Variants in KCTD19 observed in about 807,000 individuals in gnomAD.
KCTD19 encodes BTB/POZ domain-containing protein KCTD19.
In KCTD19, 67 loss-of-function variants were observed where a neutral mutation model predicts 103.5. That is an observed-to-expected ratio of 0.65 (90% CI 0.53 to 0.79). The LOEUF is 0.79. Among genes scored for constraint, KCTD19 ranks in the 30% least tolerant of loss-of-function variants. KCTD19 has a pLI of 0.00. For synonymous variants in KCTD19, 439 were observed against 452.2 expected, an observed-to-expected ratio of 0.97 and a Z score of 0.37; for missense variants, 980 against 1,136.1, an observed-to-expected ratio of 0.86 and a Z score of 1.98.
At chr16:67,297,285 A>T (rs2036775408) in intron 7 of KCTD19, among the ~76,000 whole-genome samples, 1 of 152,178 alleles carries the variant, frequency 6.6e-6, no homozygotes. Context: ...CAGACTGGGT[A>T]ACAGCCCTGT....
intron 2 of KCTD19, among the ~76,000 whole-genome samples, chr16:67,316,555 A>T (rs1464668279): frequency 6.6e-6 from 1 of 152,222 alleles, no homozygotes; most frequent in African/African-American, 2.4e-5. Context: ...AGACTGATTG[A>T]ATAAACAAAA....
chr16:67,303,109 A>AGGGGGGGGGGGGGG lies in KCTD19; in HGVS notation c.643+36_643+37insCCCCCCCCCCCCCC. On this transcript the variant is annotated intron_variant, in intron 4 of 15. Coordinates refer to ENST00000304372, the MANE Select transcript of KCTD19 (RefSeq NM_001100915.3). The surrounding 1 kb of genome is among the most constrained non-coding windows in gnomAD (Gnocchi z 4.3). ...TGGGGAGGGGTGAATGGGCCCTATCAGCCCGCCCCCCACCCCACCCCGGAC... is the reference window on the plus strand; with the variant it reads ...TGGGGAGGGGTGAATGGGCCCTATCAGGGGGGGGGGGGGGGCCCGCCCCCCACCCCACCCCGGAC... The AGGGGGGGGGGGGGG allele has an allele frequency of 2.1e-6, 1 of 483,250 alleles. No individual in the cohort carries two copies. The allele number at this position is 483,250 out of a possible 1,614,324, so 29.9% of individuals were successfully genotyped here. A position where few individuals can be genotyped will look rare whatever the true frequency, so the allele number is the denominator to read the frequency against.
At chr16:67,292,372 G>T (rs898772166) in intron 12 of KCTD19, among the ~76,000 whole-genome samples, 2 of 152,126 alleles carry the variant, frequency 1.3e-5, no homozygotes, top group Non-Finnish European at 2.9e-5. Context: ...TCTCTTCATT[G>T]CCCTGGCATC....
Position 67,307,226 on chromosome 16 carries a change from G to A in KCTD19, c.301-2655C>T, listed in dbSNP as rs548458678. Among the ~76,000 whole-genome samples, 4 of 151,458 alleles carry A rather than the reference G, an allele frequency of 2.6e-5. No individual in the cohort carries two copies. The East Asian group carries it at 5.8e-4, about 22-fold the overall frequency. On this transcript the variant is annotated intron_variant, in intron 2 of 15. Transcript: ENST00000304372. ...TGCAGTGGCATGATCACAGCTCACTGCAGCCTTGACCTACTGGGCTCAACT... is the reference window on the plus strand; with the variant it reads ...TGCAGTGGCATGATCACAGCTCACTACAGCCTTGACCTACTGGGCTCAACT...
chr16:67,306,045 G>C (rs1002865991), intron 2 of KCTD19, among the ~76,000 whole-genome samples: 13 of 152,206 alleles, frequency 8.5e-5, no homozygotes, highest in African/African-American at 3.1e-4. Flanking sequence ...AACAATGGGG[G>C]AGACAGTGTG....
chr16:67,290,470 G>A (rs1055842489), intron 15 of KCTD19, among the ~76,000 whole-genome samples: 10 of 152,096 alleles, frequency 6.6e-5, no homozygotes, highest in Non-Finnish European at 1.3e-4. Context: ...GAGCCACCGC[G>A]CCCGGCCTAA....
chr16:67,299,509 C>T lies in KCTD19; in HGVS notation c.840G>A (p.Leu280=). Residue 280 remains leucine (L), a synonymous_variant, in exon 6 of 16, where the codon CTG becomes CTA. Coordinates refer to ENST00000304372, the MANE Select transcript of KCTD19 (RefSeq NM_001100915.3). ...SPGKGARTAS[L]ESVKPLYTMA... The stretch of plus-strand genomic sequence containing the variant: ...TTGTGTAGAGCGGTTTCACGGACTC[C>T]AGGCTGGCTGTGCGGGCCCCCTTCC... 1.2e-6 allele frequency: 2 copies of T among 1,613,876 alleles called. No individual in the cohort carries two copies. Among genetic ancestry groups the T allele is most frequent in the Non-Finnish European group, 1.7e-6 (2 of 1,179,950 alleles).
rs748583330 is a variant in KCTD19 at position 67,293,502 on chromosome 16, C to A, written c.2218+42G>T. On this transcript the variant is annotated intron_variant, in intron 12 of 15. Coordinates refer to ENST00000304372, the MANE Select transcript of KCTD19 (RefSeq NM_001100915.3). The surrounding 1 kb of genome is among the most constrained non-coding windows in gnomAD (Gnocchi z 4.0). Reference sequence around the variant, plus strand: ...ATCTTGGCCAAAGAGTTTGCCTTCTCTGTTGTGAATAAGACTTAGATCAAA... The same window carrying A: ...ATCTTGGCCAAAGAGTTTGCCTTCTATGTTGTGAATAAGACTTAGATCAAA... The A allele has an allele frequency of 6.3e-7, 1 of 1,586,982 alleles. No homozygotes were observed. The highest frequency in any genetic ancestry group is 1.1e-5 in the South Asian group (1 of 87,306).
intron 1 of KCTD19, among the ~76,000 whole-genome samples, chr16:67,322,599 A>G (rs2037087779): frequency 6.6e-6 from 1 of 152,234 alleles, no homozygotes; most frequent in Non-Finnish European, 1.5e-5. Context: ...CACCCAGCCT[A>G]AAACCATAAA....
Position 67,299,455 on chromosome 16 carries a change from C to T in KCTD19, c.894G>A (p.Pro298=), listed in dbSNP as rs564520650. ...TMALGLLVKY[P]DSALGQLRIE... ...TGCGAAGCTGGCCCAGCGCAGAGTC[C>T]GGGTACTTGACCAGCAGACCCAGGG... The change falls in exon 6 of 16, where the codon CCG becomes CCA. Residue 298 remains proline, a synonymous_variant. Transcript: ENST00000304372. 45 of 1,614,214 alleles carry T rather than the reference C, an allele frequency of 2.8e-5. 1 individual carries two copies. The highest frequency in any genetic ancestry group is 2.7e-4 in the Admixed American group (16 of 60,030).
chr16:67,306,092 G>A (rs1315218794), intron 2 of KCTD19, among the ~76,000 whole-genome samples: 2 of 152,194 alleles, frequency 1.3e-5, no homozygotes, highest in Non-Finnish European at 2.9e-5. Context: ...TCATTCATTT[G>A]AGAAATACTC....
chr16:67,303,107 T>TGGGGGGGGGGGGGGGGGG lies in KCTD19; in HGVS notation c.643+38_643+39insCCCCCCCCCCCCCCCCCC. The TGGGGGGGGGGGGGGGGGG allele has an allele frequency of 1.1e-6, 1 of 897,596 alleles. No individual in the cohort carries two copies. The highest frequency in any genetic ancestry group is 1.8e-6 in the Non-Finnish European group (1 of 562,966). The allele number at this position is 897,596 out of a possible 1,614,324, so 55.6% of individuals were successfully genotyped here. A position where few individuals can be genotyped will look rare whatever the true frequency, so the allele number is the denominator to read the frequency against. ...GATGGGGAGGGGTGAATGGGCCCTA[T>TGGGGGGGGGGGGGGGGGG]CAGCCCGCCCCCCACCCCACCCCGG... On this transcript the variant is annotated intron_variant, in intron 4 of 15. Coordinates refer to ENST00000304372, the MANE Select transcript of KCTD19 (RefSeq NM_001100915.3). The surrounding 1 kb of genome is among the most constrained non-coding windows in gnomAD (Gnocchi z 4.3).
chr16:67,304,527 C>G lies in KCTD19; in HGVS notation c.345G>C (p.Arg115=). ...LKEGKHHLRV[R]PADLPVAERA... is the part of the protein sequence containing the mutation. The stretch of plus-strand genomic sequence containing the variant: ...TCTCAGCAACAGGTAGGTCTGCAGG[C>G]CGTACGCGTAGATGGTGTTTCCCTT... The change falls in exon 3 of 16, where the codon CGG becomes CGC. Residue 115 remains arginine, a synonymous_variant. Transcript: ENST00000304372. 1 of 1,614,012 alleles carries G rather than the reference C, an allele frequency of 6.2e-7. No individual in the cohort carries two copies. Among genetic ancestry groups the G allele is most frequent in the Middle Eastern group, 1.6e-4 (1 of 6,062 alleles).
At chr16:67,306,622 TC>T (rs1489177242) in intron 2 of KCTD19, among the ~76,000 whole-genome samples, 1 of 152,156 alleles carries the variant, frequency 6.6e-6, no homozygotes, top group East Asian at 1.9e-4. Flanking sequence ...CCAGGTCCTC[TC>T]CACACAGTGA....
At chr16:67,305,886 G>A (rs1045294909) in intron 2 of KCTD19, among the ~76,000 whole-genome samples, 1 of 152,162 alleles carries the variant, frequency 6.6e-6, no homozygotes, top group Non-Finnish European at 1.5e-5. Context: ...TGGTGGCCAA[G>A]CTATAAACTG....
chr16:67,289,797 CTT>C, intron 15 of KCTD19, 115 bp from the exon 16 acceptor site: 1 of 688,352 alleles, frequency 1.5e-6, no homozygotes, highest in Non-Finnish European at 2.6e-6. Flanking sequence ...CTGTTGGGGA[CTT>C]TTGATGCTCT....
rs761455049 is a variant in KCTD19, at chr16:67,295,256, CACTT to C, written c.1391+3_1391+6del. The C allele has an allele frequency of 2.2e-5, 35 of 1,613,566 alleles. No individual in the cohort carries two copies. The highest frequency in any genetic ancestry group is 2.8e-5 in the Non-Finnish European group (33 of 1,179,530). Reference sequence around the variant, plus strand: ...ATTTCATCTTACTGCGTCCTTGCTTCACTTACTTAAATTCAGATGGTAAAAACAG... The same window carrying C: ...ATTTCATCTTACTGCGTCCTTGCTTCACTTAAATTCAGATGGTAAAAACAG... On this transcript the variant is annotated splice_donor_5th_base_variant and intron_variant, in intron 9 of 15. Transcript: ENST00000304372.
At chr16:67,294,358 C>T (rs1221265796) in intron 11 of KCTD19, among the ~76,000 whole-genome samples, 187 bp from the exon 12 acceptor site, 1 of 152,266 alleles carries the variant, frequency 6.6e-6, no homozygotes, top group African/African-American at 2.4e-5. Flanking sequence ...AGTGGCCTGT[C>T]ATTCCAACAG....
intron 2 of KCTD19, among the ~76,000 whole-genome samples, chr16:67,318,863 A>C (rs1238902016): frequency 6.6e-6 from 1 of 152,134 alleles, no homozygotes; most frequent in Non-Finnish European, 1.5e-5. Context: ...AGTTGAAAAA[A>C]AAATTAAATT....
Sources: gnomAD v4.1 joint callset for allele counts (sites outside exome capture counted in the v4.1 genomes callset) on GRCh38, gnomAD v4.1.1 for gene constraint, Gnocchi (gnomAD v3.1) non-coding constraint, MANE v1.5 for transcripts, NCBI Gene and HGNC (gene_info 2026-07-23, HGNC 2026-07-21) for gene names.